Variants in HS6ST3 observed in about 807,000 individuals in gnomAD.
HS6ST3 encodes the protein heparan sulfate 6-O-sulfotransferase 3.
Under a neutral mutation model 36.7 loss-of-function variants are expected in HS6ST3, and 12 were observed. That is an observed-to-expected ratio of 0.33 (90% CI 0.21 to 0.53). HS6ST3 has a LOEUF of 0.53. Ranked by LOEUF, HS6ST3 falls within the 20% of genes least tolerant of loss-of-function variation. The pLI is 0.95. For missense variants in HS6ST3, 584 were observed against 640.9 expected (o/e 0.91, Z 0.96); for synonymous variants, 240 against 257.5 (o/e 0.93, Z 0.65).
chr13:96,747,734 G>T (rs1007144815), intron 1 of HS6ST3, among the ~76,000 whole-genome samples: 2 of 151,956 alleles, frequency 1.3e-5, no homozygotes, highest in Admixed American at 6.6e-5. Flanking sequence ...TTGTAGTGAG[G>T]CAGTTCTGGT....
At chr13:96,799,459 T>C (rs577974585) in intron 1 of HS6ST3, among the ~76,000 whole-genome samples, 4 of 152,166 alleles carry the variant, frequency 2.6e-5, no homozygotes, top group African/African-American at 9.6e-5. Context: ...CCATAAAACA[T>C]GATGAGTTCA....
At chr13:96,247,720 CT>C (rs2054590954) in intron 1 of HS6ST3, among the ~76,000 whole-genome samples, 1 of 151,938 alleles carries the variant, frequency 6.6e-6, no homozygotes, top group South Asian at 2.1e-4. Context: ...CCTTCCCTTC[CT>C]TTTTGTAGTG....
chr13:96,316,852 A>G (rs985100235), intron 1 of HS6ST3, among the ~76,000 whole-genome samples: 3 of 152,156 alleles, frequency 2.0e-5, no homozygotes, highest in African/African-American at 7.2e-5. Flanking sequence ...ACATTCTTAA[A>G]TCACAAATAA....
intron 1 of HS6ST3, among the ~76,000 whole-genome samples, chr13:96,799,285 T>A (rs181717009): frequency 6.6e-6 from 1 of 152,208 alleles, no homozygotes; most frequent in East Asian, 1.9e-4. Context: ...GTTTCCTGAC[T>A]TTTTAATGAT....
chr13:96,411,782 A>ATT (rs1380365349), intron 1 of HS6ST3, among the ~76,000 whole-genome samples: 1 of 152,210 alleles, frequency 6.6e-6, no homozygotes, highest in Non-Finnish European at 1.5e-5. Flanking sequence ...GGATGGACAG[A>ATT]AGATGGATCT....
chr13:96,104,573 C>T (rs908317530), intron 1 of HS6ST3, among the ~76,000 whole-genome samples: 8 of 152,228 alleles, frequency 5.3e-5, no homozygotes, highest in South Asian at 4.1e-4. Flanking sequence ...GCAAACCAAC[C>T]TATCTAGAGC....
intron 1 of HS6ST3, among the ~76,000 whole-genome samples, chr13:96,380,414 C>T (rs545291089): frequency 1.8e-4 from 27 of 151,840 alleles, no homozygotes; most frequent in South Asian, 6.2e-4. Flanking sequence ...TACAGGTGCC[C>T]GCCACCATGC....
intron 1 of HS6ST3, among the ~76,000 whole-genome samples, chr13:96,666,920 A>T (rs758609261): frequency 1.2e-4 from 18 of 152,150 alleles, no homozygotes; most frequent in Non-Finnish European, 2.4e-4. Flanking sequence ...TAATTGTATA[A>T]TGTCATCCAT....
At chr13:96,698,016 T>C (rs1477098850) in intron 1 of HS6ST3, among the ~76,000 whole-genome samples, 1 of 152,108 alleles carries the variant, frequency 6.6e-6, no homozygotes, top group Non-Finnish European at 1.5e-5. Flanking sequence ...GGATGTAATA[T>C]GTTTTTATAC....
At chr13:96,385,323 C>A (rs2055362270) in intron 1 of HS6ST3, among the ~76,000 whole-genome samples, 1 of 152,140 alleles carries the variant, frequency 6.6e-6, no homozygotes, top group Non-Finnish European at 1.5e-5. Flanking sequence ...CCTCCCTCTG[C>A]AGCTATTTCA....
chr13:96,578,326 C>G (rs1324690562), intron 1 of HS6ST3, among the ~76,000 whole-genome samples: 1 of 152,070 alleles, frequency 6.6e-6, no homozygotes, highest in African/African-American at 2.4e-5. Flanking sequence ...GCTGGTGGGT[C>G]TCAGGAAAAA....
intron 1 of HS6ST3, among the ~76,000 whole-genome samples, chr13:96,640,117 T>G (rs116167180): frequency 1.8e-3 from 271 of 152,082 alleles, no homozygotes; most frequent in African/African-American, 6.4e-3. Flanking sequence ...ATGGTAGTTG[T>G]GTTTTAAGTT....
intron 1 of HS6ST3, among the ~76,000 whole-genome samples, chr13:96,576,252 C>T (rs183281648): frequency 3.3e-5 from 5 of 152,286 alleles, no homozygotes; most frequent in Admixed American, 2.0e-4. Flanking sequence ...ACAGGGTGCA[C>T]AGGCCACAGC....
chr13:96,497,240 C>T lies in HS6ST3; in HGVS notation c.708-335250C>T, dbSNP rs150591721. On this transcript the variant is annotated intron_variant, in intron 1 of 1. Coordinates refer to ENST00000376705, the MANE Select transcript of HS6ST3 (RefSeq NM_153456.4). ...CCATCCATGGATCAATCTCAGGCCT[C>T]GCCGTCTAGTGGGTATAGGACTGCT... Among the ~76,000 whole-genome samples, 16 of 152,202 alleles carry T rather than the reference C, an allele frequency of 1.1e-4. No individual in the cohort carries two copies. In the East Asian group the frequency reaches 1.7e-3, roughly 17 times the overall value.
chr13:96,275,077 G>T (rs770212635), intron 1 of HS6ST3, among the ~76,000 whole-genome samples: 1 of 152,054 alleles, frequency 6.6e-6, no homozygotes. Context: ...CTCCCAACAA[G>T]GTTACCAGCC....
chr13:96,637,237 C>G (rs1032826769), intron 1 of HS6ST3, among the ~76,000 whole-genome samples: 9 of 152,010 alleles, frequency 5.9e-5, no homozygotes, highest in Non-Finnish European at 7.4e-5. Context: ...ATTTACCTTA[C>G]CAGATTGGTA....
Position 96,090,806 on chromosome 13 carries a change from C to T in HS6ST3, c.-57C>T, listed in dbSNP as rs1347927152. On this transcript the variant is annotated 5_prime_UTR_variant, in exon 1 of 2. Coordinates refer to ENST00000376705, the MANE Select transcript of HS6ST3 (RefSeq NM_153456.4). The stretch of plus-strand genomic sequence containing the variant: ...TCCGCGAAACTTCCGAGCGGGCGCC[C>T]GTCCGCCCTGCCGCCGCCGCCGCCG... The T allele has an allele frequency of 2.1e-6, 3 of 1,406,972 alleles. No homozygotes were observed. The highest frequency in any genetic ancestry group is 2.8e-6 in the Non-Finnish European group (3 of 1,071,910). The allele number at this position is 1,406,972 out of a possible 1,614,324, so 87.2% of individuals were successfully genotyped here.
At chr13:96,708,413 C>G (rs1370345722) in intron 1 of HS6ST3, among the ~76,000 whole-genome samples, 2 of 152,332 alleles carry the variant, frequency 1.3e-5, no homozygotes, top group East Asian at 3.9e-4. Flanking sequence ...ACCCCAATCT[C>G]TTTCTCTGAC....
At chr13:96,158,879 G>A (rs184580812) in intron 1 of HS6ST3, among the ~76,000 whole-genome samples, 1 of 152,076 alleles carries the variant, frequency 6.6e-6, no homozygotes, top group Non-Finnish European at 1.5e-5. Context: ...TTCTGGAGTC[G>A]GGAGAGCAAG....
Sources: allele counts gnomAD v4.1 joint callset (sites outside exome capture counted in the v4.1 genomes callset), GRCh38; gene constraint gnomAD v4.1.1; transcripts MANE v1.5; gene names NCBI Gene and HGNC (gene_info 2026-07-23, HGNC 2026-07-21).